Variants in SLC16A12 observed in about 807,000 individuals in gnomAD.
SLC16A12 encodes the protein solute carrier family 16 member 12, also known as monocarboxylate transporter 12.
SLC16A12 carries 17 observed loss-of-function variants against 42.4 expected under a neutral mutation model. The ratio of observed to expected loss-of-function variants is 0.40; its 90% CI spans 0.27 to 0.60. The LOEUF (loss-of-function observed/expected upper bound fraction) is 0.60, where lower values mean the gene tolerates loss of function less well. Among genes scored for constraint, SLC16A12 ranks in the 20% least tolerant of loss-of-function variants. The pLI is 0.42. For missense variants in SLC16A12, 544 were observed against 623.0 expected (o/e 0.87, Z 1.35); for synonymous variants, 224 against 229.4 (o/e 0.98, Z 0.21).
intron 2 of SLC16A12, 66 bp from the exon 3 acceptor site, chr10:89,462,690 T>G (rs1842321899): frequency 4.1e-6 from 6 of 1,450,576 alleles, no homozygotes; most frequent in Non-Finnish European, 5.4e-6. Flanking sequence ...TTTTCTTCAC[T>G]TGGTAAGACA....
chr10:89,446,137 T>A (rs1261349768), intron 3 of SLC16A12, among the ~76,000 whole-genome samples: 1 of 152,160 alleles, frequency 6.6e-6, no homozygotes, highest in Non-Finnish European at 1.5e-5. Context: ...TTGATTGGCG[T>A]CCCTCAAAGT....
Position 89,441,176 on chromosome 10 carries a change from G to A in SLC16A12, c.380C>T (p.Thr127Ile). The A allele has an allele frequency of 6.2e-7, 1 of 1,614,004 alleles. No homozygotes were observed. The highest frequency in any genetic ancestry group is 8.5e-7 in the Non-Finnish European group (1 of 1,179,888). Reference sequence around the variant, plus strand: ...GGCAAATGAGCTCAGGATGAGTCCAGTAGATGCAAGCAAGCCACCCAGCAT... The same window carrying A: ...GGCAAATGAGCTCAGGATGAGTCCAATAGATGCAAGCAAGCCACCCAGCAT... ...GIMLGGLLASTGLILSSFATS... is the reference protein window; with the variant it reads ...GIMLGGLLASIGLILSSFATS... Residue 127 changes from threonine (T) to isoleucine (I), a missense_variant, in exon 5 of 8, where the codon ACT becomes ATT. By Grantham distance (89) the Thr-to-Ile change is moderately conservative. Transcript: ENST00000371790.
At chr10:89,540,841 A>C (rs557841449) in intron 2 of SLC16A12, among the ~76,000 whole-genome samples, 1 of 152,198 alleles carries the variant, frequency 6.6e-6, no homozygotes, top group South Asian at 2.1e-4. Context: ...AAGGCATTGA[A>C]TTTGAAATCA....
chr10:89,541,702 G>A (rs1843716789), intron 2 of SLC16A12, among the ~76,000 whole-genome samples: 2 of 152,220 alleles, frequency 1.3e-5, no homozygotes, highest in Admixed American at 6.5e-5. Flanking sequence ...ACAATTCTTT[G>A]TTGTGGGGCT....
chr10:89,466,599 G>A (rs567971629), intron 2 of SLC16A12, among the ~76,000 whole-genome samples: 1 of 152,302 alleles, frequency 6.6e-6, no homozygotes, highest in East Asian at 1.9e-4. Flanking sequence ...GTTGGCACTT[G>A]TAAATATCAG....
upstream of SLC16A12, among the ~76,000 whole-genome samples, chr10:89,535,930 C>T (rs1347047060): frequency 6.6e-6 from 1 of 152,238 alleles, no homozygotes; most frequent in Non-Finnish European, 1.5e-5. Context: ...AATGCACCGG[C>T]TCATTCAGCC....
Position 89,433,042 on chromosome 10 carries a change from T to A in SLC16A12, c.*22A>T, listed in dbSNP as rs917882020. The A allele has an allele frequency of 1.2e-6, 2 of 1,613,718 alleles. No individual in the cohort carries two copies. Among genetic ancestry groups the A allele is most frequent in the African/African-American group, 2.7e-5 (2 of 74,936 alleles). ...GCCCCACCTCTCTCAAACCTGAAGA[T>A]TCTGGGGCTCAAGGCCTTTGGTCAT... On this transcript the variant is annotated 3_prime_UTR_variant, in exon 8 of 8. Coordinates refer to ENST00000371790, the MANE Select transcript of SLC16A12 (RefSeq NM_213606.4).
chr10:89,493,178 G>T (rs1842871098), intron 2 of SLC16A12, among the ~76,000 whole-genome samples: 1 of 151,264 alleles, frequency 6.6e-6, no homozygotes, highest in South Asian at 2.1e-4. Context: ...CACCCTTGAG[G>T]TTCTCTGTTA....
intron 2 of SLC16A12, among the ~76,000 whole-genome samples, chr10:89,470,556 T>C (rs1041208544): frequency 2.8e-4 from 43 of 152,112 alleles, no homozygotes; most frequent in African/African-American, 9.9e-4. Flanking sequence ...AATAGAGACA[T>C]GGAAGATAGG....
At position 89,436,896 on chromosome 10, in the gene SLC16A12, GAA is replaced by G. The variant is rs1491203324; in HGVS notation, c.1029-579_1029-578del. 1.2e-3 allele frequency among the ~76,000 whole-genome samples: 176 copies of G among 148,880 alleles called. 1 individual carries two copies. The highest frequency in any genetic ancestry group is 4.2e-3 in the African/African-American group (165 of 39,666). On this transcript the variant is annotated intron_variant, in intron 6 of 7. Transcript: ENST00000371790. The stretch of plus-strand genomic sequence containing the variant: ...AGAAAGAAAGAAAGAAAGAAAGAAA[GAA>G]AGAAAGAAAGAAAGAAAAAGAAAGA...
intron 2 of SLC16A12, among the ~76,000 whole-genome samples, chr10:89,541,390 T>G (rs1323720788): frequency 2.0e-5 from 3 of 151,588 alleles, no homozygotes; most frequent in Non-Finnish European, 4.4e-5. Flanking sequence ...AGGCCAGGAG[T>G]TCTAGACCAG....
Position 89,500,423 on chromosome 10 carries a change from A to G in SLC16A12, c.-47+34078T>C, listed in dbSNP as rs1842977985. On this transcript the variant is annotated intron_variant, in intron 2 of 7. Coordinates refer to ENST00000371790, the MANE Select transcript of SLC16A12 (RefSeq NM_213606.4). ...ACTAGCTAACTGAATCCAACAACAT[A>G]TCAAAAAGATAATCCACCATGATCA... Among the ~76,000 whole-genome samples the G allele has an allele frequency of 2.0e-5, 3 of 152,246 alleles. No homozygotes were observed. The South Asian group carries it at 6.2e-4, about 31-fold the overall frequency.
At chr10:89,468,879 C>G (rs916729178) in intron 2 of SLC16A12, among the ~76,000 whole-genome samples, 1 of 152,094 alleles carries the variant, frequency 6.6e-6, no homozygotes, top group East Asian at 1.9e-4. Flanking sequence ...CCTGTAATCC[C>G]AGCACTTTTG....
chr10:89,477,045 G>A (rs1045168009), intron 2 of SLC16A12, among the ~76,000 whole-genome samples: 22 of 152,176 alleles, frequency 1.4e-4, no homozygotes, highest in Admixed American at 4.6e-4. Flanking sequence ...TTTGTAAGAC[G>A]GGGGCTTGAA....
upstream of SLC16A12, among the ~76,000 whole-genome samples, chr10:89,539,815 A>G (rs1843700258): frequency 1.3e-5 from 2 of 152,126 alleles, no homozygotes; most frequent in South Asian, 4.1e-4. Context: ...ATACATGGAC[A>G]AGGAAATAGT....
chr10:89,512,423 G>A (rs1843177782), intron 2 of SLC16A12, among the ~76,000 whole-genome samples: 2 of 152,200 alleles, frequency 1.3e-5, no homozygotes, highest in African/African-American at 4.8e-5. Flanking sequence ...GATGTTTGCA[G>A]AGAAGCCAAA....
intron 3 of SLC16A12, chr10:89,455,970 C>T (rs573954282): frequency 2.6e-4 from 40 of 152,298 alleles, no homozygotes; most frequent in African/African-American, 9.1e-4. Flanking sequence ...TCATCTGTGA[C>T]GAAATGACAT....
intron 2 of SLC16A12, among the ~76,000 whole-genome samples, chr10:89,463,600 C>G (rs1204594141): frequency 6.6e-6 from 1 of 151,848 alleles, no homozygotes; most frequent in African/African-American, 2.4e-5. Context: ...ATAAAACAAA[C>G]CAAGATAAAA....
chr10:89,529,356 T>C (rs1843503936), intron 2 of SLC16A12, among the ~76,000 whole-genome samples: 1 of 152,126 alleles, frequency 6.6e-6, no homozygotes, highest in African/African-American at 2.4e-5. Flanking sequence ...TGCTCAGGAA[T>C]ATTTTGAAAA....
Sources: allele counts gnomAD v4.1 joint callset (sites outside exome capture counted in the v4.1 genomes callset), GRCh38; gene constraint gnomAD v4.1.1; transcripts MANE v1.5; gene names NCBI Gene and HGNC (gene_info 2026-07-23, HGNC 2026-07-21).